The following ATF3 variants were observed in gnomAD, a reference collection of about 807,000 sequenced individuals.
The protein encoded by ATF3 is cyclic AMP-dependent transcription factor ATF-3.
In ATF3, 10 loss-of-function variants were observed where a neutral mutation model predicts 18.4. The observed-to-expected ratio is 0.54, with a 90% CI of 0.34 to 0.92. The LOEUF is 0.92. ATF3 is among the 40% of genes least tolerant of loss of function. The pLI, the probability that ATF3 is intolerant of heterozygous loss-of-function variation, is 0.02. For synonymous variants in ATF3, 78 were observed against 87.9 expected, an observed-to-expected ratio of 0.89 and a Z score of 0.63; for missense variants, 183 against 222.3, an observed-to-expected ratio of 0.82 and a Z score of 1.12.
At position 212,618,876 on chromosome 1, in the gene ATF3, A is replaced by G; in HGVS notation, c.349-482A>G. On this transcript the variant is annotated intron_variant, in intron 3 of 3. Transcript: ENST00000341491. This position sits in a 1 kb window ranked among gnomAD's most constrained non-coding sequence, Gnocchi z 4.4. ...TGTGGACAGGCCATGACAGAGTCTT[A>G]GCCCAAGTCCCACAGATCCCCAAAA... 1.2e-6 allele frequency: 1 copy of G among 818,076 alleles called. No homozygotes were observed. Among genetic ancestry groups the G allele is most frequent in the Non-Finnish European group, 2.0e-6 (1 of 502,934 alleles). The allele number at this position is 818,076 out of a possible 1,614,324, so 50.7% of individuals were successfully genotyped here. A position where few individuals can be genotyped will look rare whatever the true frequency, so the allele number is the denominator to read the frequency against.
chr1:212,588,691 T>A (rs1664825414), intron 1 of ATF3, among the ~76,000 whole-genome samples: 1 of 152,180 alleles, frequency 6.6e-6, no homozygotes, highest in African/African-American at 2.4e-5. Context: ...TGATTCCCAC[T>A]CCCTGAAGGC....
At chr1:212,587,281 G>T (rs984244703) in intron 1 of ATF3, among the ~76,000 whole-genome samples, 2 of 152,184 alleles carry the variant, frequency 1.3e-5, no homozygotes, top group African/African-American at 4.8e-5. Flanking sequence ...ATTAATAAAT[G>T]AAGAATATTT....
chr1:212,566,702 G>A (rs1279774214), intron 1 of ATF3, among the ~76,000 whole-genome samples: 1 of 152,182 alleles, frequency 6.6e-6, no homozygotes, highest in Non-Finnish European at 1.5e-5. Flanking sequence ...AAATGACGCT[G>A]AAAACAGCTC....
intron 1 of ATF3, among the ~76,000 whole-genome samples, chr1:212,598,425 T>C (rs1360084395): frequency 1.3e-5 from 2 of 152,244 alleles, no homozygotes; most frequent in African/African-American, 4.8e-5. Context: ...TCTTGGGAAA[T>C]GGGGTATCCA....
At chr1:212,599,378 A>G (rs748554018) in intron 1 of ATF3, among the ~76,000 whole-genome samples, 1 of 152,202 alleles carries the variant, frequency 6.6e-6, no homozygotes, top group Non-Finnish European at 1.5e-5. Flanking sequence ...TTCATTAATC[A>G]CTTTATCAGA....
upstream of ATF3, among the ~76,000 whole-genome samples, chr1:212,608,367 A>G (rs1654711719): frequency 1.3e-5 from 2 of 152,068 alleles, no homozygotes; most frequent in Non-Finnish European, 2.9e-5. Flanking sequence ...GGAGGGACAG[A>G]TGCCAGCGCG....
chr1:212,575,490 C>T (rs1664562099), intron 1 of ATF3, among the ~76,000 whole-genome samples: 1 of 152,074 alleles, frequency 6.6e-6, no homozygotes, highest in Non-Finnish European at 1.5e-5. Context: ...CGAAAACAGC[C>T]TCTAATCTTT....
Position 212,620,357 on chromosome 1 carries a change from C to T in ATF3, c.*802C>T, listed in dbSNP as rs547072363. 1 of 152,804 alleles carries T rather than the reference C, an allele frequency of 6.5e-6. No individual in the cohort carries two copies. Among genetic ancestry groups the T allele is most frequent in the South Asian group, 2.1e-4 (1 of 4,824 alleles). 9.5% of individuals were successfully genotyped at this position (152,804 alleles called of 1,614,324 possible). On this transcript the variant is annotated 3_prime_UTR_variant, in exon 4 of 4. Coordinates refer to ENST00000341491, the MANE Select transcript of ATF3 (RefSeq NM_001674.4). ...TCAACTTCCAAAGGGTTAGGACTCTCCACTCAATGTCTTAGGTCAGGAGTT... is the reference window on the plus strand; with the variant it reads ...TCAACTTCCAAAGGGTTAGGACTCTTCACTCAATGTCTTAGGTCAGGAGTT...
rs1655251958 is a variant in ATF3 at position 212,619,003 on chromosome 1, C to T, written c.349-355C>T. On this transcript the variant is annotated intron_variant, in intron 3 of 3. Coordinates refer to ENST00000341491, the MANE Select transcript of ATF3 (RefSeq NM_001674.4). The surrounding 1 kb of genome is among the most constrained non-coding windows in gnomAD (Gnocchi z 4.4). The stretch of plus-strand genomic sequence containing the variant: ...ATGAGCTTCTCATTGAGATCTGTGA[C>T]TCAGAATCGACTAAGCCACCATAAG... 1 of 1,613,352 alleles carries T rather than the reference C, an allele frequency of 6.2e-7. No individual in the cohort carries two copies. The highest frequency in any genetic ancestry group is 1.7e-5 in the Admixed American group (1 of 60,004).
chr1:212,603,191 G>C (rs1654531637), intron 1 of ATF3, among the ~76,000 whole-genome samples: 1 of 152,186 alleles, frequency 6.6e-6, no homozygotes, highest in Non-Finnish European at 1.5e-5. Context: ...AGAGATGCTA[G>C]AGCTGCCCGA....
At position 212,619,187 on chromosome 1, in the gene ATF3, T is replaced by C; in HGVS notation, c.349-171T>C. On this transcript the variant is annotated intron_variant, in intron 3 of 3. Coordinates refer to ENST00000341491, the MANE Select transcript of ATF3 (RefSeq NM_001674.4). The surrounding 1 kb of genome is among the most constrained non-coding windows in gnomAD (Gnocchi z 4.4). ...ACCAGGGTTTCTCTGAAGAAGAGGG[T>C]CTGCATTTTCCTAAACCCAGTGCTG... The C allele has an allele frequency of 1.2e-6, 2 of 1,612,182 alleles. No homozygotes were observed. The highest frequency in any genetic ancestry group is 3.3e-5 in the Admixed American group (2 of 59,896).
chr1:212,594,747 G>C (rs926725789), intron 1 of ATF3, among the ~76,000 whole-genome samples: 3 of 152,232 alleles, frequency 2.0e-5, no homozygotes, highest in Non-Finnish European at 4.4e-5. Flanking sequence ...TCCCTTTTTA[G>C]GGTTGTGGGA....
At chr1:212,613,892 C>T (rs1005994284) in intron 1 of ATF3, 14 of 152,184 alleles carry the variant, frequency 9.2e-5, no homozygotes, top group African/African-American at 2.9e-4. Flanking sequence ...TTGGGTTCAC[C>T]GAGCTATAGA....
chr1:212,572,743 C>T (rs1250741817), intron 1 of ATF3, among the ~76,000 whole-genome samples: 3 of 152,158 alleles, frequency 2.0e-5, no homozygotes, highest in African/African-American at 7.2e-5. Context: ...TTTTTTCATA[C>T]GGGTCCTTCG....
chr1:212,606,058 T>C (rs1350010595), upstream of ATF3, among the ~76,000 whole-genome samples: 1 of 152,226 alleles, frequency 6.6e-6, no homozygotes, highest in East Asian at 1.9e-4. Context: ...TGGACATTGG[T>C]GGCATTAACT....
intron 1 of ATF3, among the ~76,000 whole-genome samples, chr1:212,575,519 A>T (rs1313301832): frequency 6.6e-6 from 1 of 152,130 alleles, no homozygotes; most frequent in African/African-American, 2.4e-5. Flanking sequence ...CCATTGTTTT[A>T]TATTACATCA....
chr1:212,610,030 A>G (rs762573937), intron 1 of ATF3, among the ~76,000 whole-genome samples: 5 of 152,116 alleles, frequency 3.3e-5, no homozygotes, highest in Non-Finnish European at 7.4e-5. Context: ...GTGGGTCTCT[A>G]TCTAATGTCA....
At chr1:212,606,238 G>T (rs369880086), upstream of ATF3, among the ~76,000 whole-genome samples, 18 of 152,156 alleles carry the variant, frequency 1.2e-4, no homozygotes, top group African/African-American at 3.6e-4. Context: ...AGTAGTTTTC[G>T]TTTTCCCTGG....
chr1:212,568,373 C>T (rs561865493), intron 1 of ATF3, among the ~76,000 whole-genome samples: 72 of 152,272 alleles, frequency 4.7e-4, no homozygotes, highest in Admixed American at 2.7e-3. Context: ...TATTAAGCCT[C>T]GTCTCTTGAG....
Sources: gnomAD v4.1 joint callset for allele counts (sites outside exome capture counted in the v4.1 genomes callset) on GRCh38, gnomAD v4.1.1 for gene constraint, Gnocchi (gnomAD v3.1) non-coding constraint, MANE v1.5 for transcripts, NCBI Gene and HGNC (gene_info 2026-07-23, HGNC 2026-07-21) for gene names.